Variants in BTBD9 observed in about 807,000 individuals in gnomAD.
The protein encoded by BTBD9 is BTB domain containing 9, also known as BTB/POZ domain-containing protein 9.
Under a neutral mutation model 64.3 loss-of-function variants are expected in BTBD9, and 49 were observed. The ratio of observed to expected loss-of-function variants is 0.76; its 90% CI spans 0.61 to 0.97. BTBD9 has a LOEUF of 0.97. BTBD9 is among the 50% of genes least tolerant of loss of function. The pLI is 0.00. For synonymous variants in BTBD9, 260 were observed against 274.7 expected (o/e 0.95, Z 0.53); for missense variants, 598 against 762.1 (o/e 0.78, Z 2.53).
intron 2 of BTBD9, among the ~76,000 whole-genome samples, chr6:38,595,238 C>A (rs1413472944): frequency 6.6e-6 from 1 of 152,164 alleles, no homozygotes; most frequent in Non-Finnish European, 1.5e-5. Flanking sequence ...ATATTAAACT[C>A]TTAACATCAC....
chr6:38,259,471 T>C (rs545416782), intron 8 of BTBD9, among the ~76,000 whole-genome samples: 2 of 152,290 alleles, frequency 1.3e-5, no homozygotes, highest in African/African-American at 4.8e-5. Flanking sequence ...GGTGCAATCA[T>C]AGCTCACTGC....
At chr6:38,291,306 G>A (rs1761944424) in intron 7 of BTBD9, among the ~76,000 whole-genome samples, 1 of 152,156 alleles carries the variant, frequency 6.6e-6, no homozygotes, top group Admixed American at 6.5e-5. Flanking sequence ...ATCTGTTATT[G>A]GTGTATAGGA....
At chr6:38,486,378 T>C (rs1230742072) in intron 6 of BTBD9, among the ~76,000 whole-genome samples, 1 of 152,260 alleles carries the variant, frequency 6.6e-6, no homozygotes, top group Non-Finnish European at 1.5e-5. Context: ...GCTTTCAGCC[T>C]ATCTCAGCTT....
chr6:38,461,563 G>A (rs1770088163), intron 6 of BTBD9, among the ~76,000 whole-genome samples: 1 of 152,056 alleles, frequency 6.6e-6, no homozygotes, highest in Non-Finnish European at 1.5e-5. Flanking sequence ...CGTTTTATCT[G>A]TTGATGAACA....
At chr6:38,494,468 C>T (rs181057793) in intron 6 of BTBD9, among the ~76,000 whole-genome samples, 4 of 152,278 alleles carry the variant, frequency 2.6e-5, no homozygotes, top group East Asian at 3.9e-4. Context: ...CAGATAATGG[C>T]GAATGCCAGC....
chr6:38,224,181 C>G (rs1341661890), intron 9 of BTBD9, among the ~76,000 whole-genome samples: 2 of 152,100 alleles, frequency 1.3e-5, no homozygotes, highest in African/African-American at 4.8e-5. Context: ...CCGCTGCACT[C>G]CAGCCTGGGT....
chr6:38,457,317 G>A lies in BTBD9; in HGVS notation c.1155-112224C>T, dbSNP rs79673678. ...CTGCCACATAAATACTTTACTGGAA[G>A]ACCAAGCAAGAAGACCAGTTAGAAG... On this transcript the variant is annotated intron_variant, in intron 6 of 10. Transcript: ENST00000481247. 6.4e-3 allele frequency among the ~76,000 whole-genome samples: 973 copies of A among 152,298 alleles called. 4 individuals are homozygous for A. Among genetic ancestry groups the A allele is most frequent in the Admixed American group, 0.01 (160 of 15,296 alleles).
chr6:38,551,568 T>C (rs1021504223), intron 6 of BTBD9, among the ~76,000 whole-genome samples: 3 of 152,240 alleles, frequency 2.0e-5, no homozygotes, highest in Non-Finnish European at 4.4e-5. Context: ...TTCCATTTTA[T>C]AGACGTGCAG....
chr6:38,362,322 C>T (rs1764994612), intron 6 of BTBD9, among the ~76,000 whole-genome samples: 1 of 152,176 alleles, frequency 6.6e-6, no homozygotes, highest in Non-Finnish European at 1.5e-5. Context: ...TCTACTGGAC[C>T]TGATCTTTCT....
chr6:38,601,810 G>GA (rs1270942020), intron 1 of BTBD9, among the ~76,000 whole-genome samples: 1 of 151,688 alleles, frequency 6.6e-6, no homozygotes, highest in Non-Finnish European at 1.5e-5. Context: ...AGAATCAACT[G>GA]AAAAAAAATT....
chr6:38,490,036 A>C (rs1212924040), intron 6 of BTBD9, among the ~76,000 whole-genome samples: 2 of 152,194 alleles, frequency 1.3e-5, no homozygotes, highest in Non-Finnish European at 2.9e-5. Flanking sequence ...GGGATGATCT[A>C]CCGAAGCTGG....
chr6:38,283,362 G>A (rs1336643485), intron 8 of BTBD9, among the ~76,000 whole-genome samples: 1 of 152,186 alleles, frequency 6.6e-6, no homozygotes, highest in Admixed American at 6.5e-5. Flanking sequence ...GATAATTCAT[G>A]TTTGGCCAGG....
At chr6:38,593,880 T>C in intron 3 of BTBD9, 84 bp downstream of exon 3, 1 of 1,223,902 alleles carries the variant, frequency 8.2e-7, no homozygotes, top group East Asian at 2.3e-5. Context: ...TTTTTATTAT[T>C]CTTAGTCCAT....
intron 6 of BTBD9, among the ~76,000 whole-genome samples, chr6:38,467,919 CT>C (rs939604714): frequency 4.6e-5 from 7 of 152,054 alleles, no homozygotes; most frequent in Non-Finnish European, 8.8e-5. Flanking sequence ...TCATAGCTTA[CT>C]TTTTTTTCTT....
At chr6:38,415,190 G>A (rs554468789) in intron 6 of BTBD9, among the ~76,000 whole-genome samples, 3 of 152,174 alleles carry the variant, frequency 2.0e-5, no homozygotes, top group Admixed American at 1.3e-4. Flanking sequence ...CAAAATCTGT[G>A]AGTATATTAG....
At chr6:38,586,607 GAACAAC>G (rs978357181) in intron 4 of BTBD9, among the ~76,000 whole-genome samples, 2 of 152,152 alleles carry the variant, frequency 1.3e-5, no homozygotes, top group African/African-American at 4.8e-5. Context: ...TCCAGATTCT[GAACAAC>G]AACAACAACA....
At chr6:38,550,576 A>G (rs1322056493) in intron 6 of BTBD9, among the ~76,000 whole-genome samples, 1 of 152,092 alleles carries the variant, frequency 6.6e-6, no homozygotes, top group African/African-American at 2.4e-5. Flanking sequence ...TCAGCCTCCC[A>G]AAGTGCTGGG....
At chr6:38,309,990 G>A (rs532127916) in intron 7 of BTBD9, among the ~76,000 whole-genome samples, 79 of 152,170 alleles carry the variant, frequency 5.2e-4, no homozygotes, top group African/African-American at 1.9e-3. Flanking sequence ...CAGAGCCTTT[G>A]GAGGCAGAGA....
intron 1 of BTBD9, among the ~76,000 whole-genome samples, chr6:38,627,580 G>GCAC (rs1312661303): frequency 6.6e-6 from 1 of 152,120 alleles, no homozygotes; most frequent in Non-Finnish European, 1.5e-5. Context: ...CACAAGAACA[G>GCAC]CACCGGTGTT....
Sources: gnomAD v4.1 joint callset for allele counts (sites outside exome capture counted in the v4.1 genomes callset) on GRCh38, gnomAD v4.1.1 for gene constraint, MANE v1.5 for transcripts, NCBI Gene and HGNC (gene_info 2026-07-23, HGNC 2026-07-21) for gene names.